TNFRSF11A: variants seen among roughly 807,000 people sequenced by gnomAD.
TNFRSF11A encodes tumor necrosis factor receptor superfamily member 11A.
A neutral mutation model predicts 55.7 loss-of-function variants in TNFRSF11A; 32 were observed. The observed-to-expected ratio is 0.57, with a 90% CI of 0.43 to 0.77. TNFRSF11A has a LOEUF of 0.77. TNFRSF11A is among the 30% of genes least tolerant of loss of function. TNFRSF11A has a pLI of 0.00. For missense variants in TNFRSF11A, 753 were observed against 809.8 expected (o/e 0.93, Z 0.85); for synonymous variants, 311 against 331.0 (o/e 0.94, Z 0.65).
At chr18:62,354,571 G>A in intron 4 of TNFRSF11A, 37 bp downstream of exon 4, 1 of 1,600,192 alleles carries the variant, frequency 6.2e-7, no homozygotes, top group East Asian at 2.2e-5. Flanking sequence ...GGCTCTTGCT[G>A]AGCCATGCAA....
Position 62,389,374 on chromosome 18 carries a change from G to T in TNFRSF11A, c.*4340G>T, listed in dbSNP as rs1911908730. Reference sequence around the variant, plus strand: ...CGGTGCCAGCAGTGAGCACAGGCGGGGTCTAGGTGGGATCACTGAAGCCAA... The same window carrying T: ...CGGTGCCAGCAGTGAGCACAGGCGGTGTCTAGGTGGGATCACTGAAGCCAA... On this transcript the variant is annotated 3_prime_UTR_variant, in exon 10 of 10. Transcript: ENST00000586569. 1 of 152,348 alleles carries T rather than the reference G, an allele frequency of 6.6e-6. No individual in the cohort carries two copies. The highest frequency in any genetic ancestry group is 2.1e-4 in the South Asian group (1 of 4,834). The allele number at this position is 152,348 out of a possible 1,614,324, so 9.4% of individuals were successfully genotyped here. A position where few individuals can be genotyped will look rare whatever the true frequency, so the allele number is the denominator to read the frequency against.
In TNFRSF11A at chr18:62,369,302, G is replaced by T; in HGVS notation, c.1385G>T (p.Gly462Val). Residue 462 changes from glycine (G) to valine (V), a missense_variant, in exon 9 of 10, where the codon GGT becomes GTT. By Grantham distance (109) the Gly-to-Val change is moderately radical. Coordinates refer to ENST00000586569, the MANE Select transcript of TNFRSF11A (RefSeq NM_003839.4). Reference protein sequence around the residue: ...PPGEDCEPLVGSPKRGPLPQC... With the variant: ...PPGEDCEPLVVSPKRGPLPQC... ...GGGGAGGACTGTGAACCCCTCGTGG[G>T]TTCCCCAAAACGTGGACCCTTGCCC... 1 of 1,611,254 alleles carries T rather than the reference G, an allele frequency of 6.2e-7. No homozygotes were observed. The highest frequency in any genetic ancestry group is 8.5e-7 in the Non-Finnish European group (1 of 1,178,706).
intron 1 of TNFRSF11A, among the ~76,000 whole-genome samples, chr18:62,344,716 T>TG (rs2046357269): frequency 6.6e-6 from 1 of 152,234 alleles, no homozygotes; most frequent in Non-Finnish European, 1.5e-5. Context: ...TTCAGGCTCT[T>TG]GCCAGCTGCT....
chr18:62,348,342 G>A, intron 2 of TNFRSF11A, 93 bp downstream of exon 2: 3 of 1,127,724 alleles, frequency 2.7e-6, no homozygotes, highest in Non-Finnish European at 2.7e-6. Context: ...AAAAGAAATT[G>A]GATAGACGCG....
At chr18:62,378,732 C>T (rs139987387) in intron 9 of TNFRSF11A, among the ~76,000 whole-genome samples, 58 of 152,332 alleles carry the variant, frequency 3.8e-4, no homozygotes, top group African/African-American at 9.6e-4. Flanking sequence ...GCTTGCTCTA[C>T]GCAGTTGCAC....
rs551576399 is a variant in TNFRSF11A, at chr18:62,390,046, G to T, written c.*5012G>T. On this transcript the variant is annotated 3_prime_UTR_variant, in exon 10 of 10. Transcript: ENST00000586569. ...AAGCACTCACTGGCAGTTCCTAGAA[G>T]ATTCCAGTAGTAGAGATCTGACTGT... The T allele has an allele frequency of 3.3e-5, 5 of 152,368 alleles. No individual in the cohort carries two copies. The East Asian group carries it at 9.6e-4, about 29-fold the overall frequency. 9.4% of individuals were successfully genotyped at this position (152,368 alleles called of 1,614,324 possible).
chr18:62,332,103 G>A (rs2046163836), intron 1 of TNFRSF11A, among the ~76,000 whole-genome samples: 1 of 152,212 alleles, frequency 6.6e-6, no homozygotes, highest in Non-Finnish European at 1.5e-5. Flanking sequence ...GAAAAACTCT[G>A]TTTAGCTCTT....
Position 62,385,123 on chromosome 18 carries a change from G to GA in TNFRSF11A, c.*90dup. ...TCTGCCCCAGCCCCGGCCACCCAGG[G>GA]ATCGATCGGTACAGTCGAGGAAGAC... On this transcript the variant is annotated 3_prime_UTR_variant, in exon 10 of 10. Transcript: ENST00000586569. The GA allele has an allele frequency of 7.4e-7, 1 of 1,343,788 alleles. No homozygotes were observed. Among genetic ancestry groups the GA allele is most frequent in the Non-Finnish European group, 9.6e-7 (1 of 1,045,836 alleles). 83.2% of individuals were successfully genotyped at this position (1,343,788 alleles called of 1,614,324 possible). A position where few individuals can be genotyped will look rare whatever the true frequency, so the allele number is the denominator to read the frequency against.
intron 1 of TNFRSF11A, among the ~76,000 whole-genome samples, chr18:62,341,732 A>ACATCATGT (rs1292526198): frequency 6.6e-6 from 1 of 151,870 alleles, no homozygotes; most frequent in Non-Finnish European, 1.5e-5. Flanking sequence ...TGCCAGTGCC[A>ACATCATGT]CATCATGTAT....
chr18:62,330,425 C>T (rs765117908), intron 1 of TNFRSF11A, among the ~76,000 whole-genome samples: 2 of 152,072 alleles, frequency 1.3e-5, no homozygotes, highest in African/African-American at 2.4e-5. Context: ...AGCAGGGACT[C>T]GCATCAGAGT....
At chr18:62,380,363 TGAA>T (rs1911186135) in intron 9 of TNFRSF11A, among the ~76,000 whole-genome samples, 1 of 152,222 alleles carries the variant, frequency 6.6e-6, no homozygotes. Flanking sequence ...AAGAAACACT[TGAA>T]GAATAAACTT....
intron 7 of TNFRSF11A, among the ~76,000 whole-genome samples, chr18:62,365,427 C>T (rs1051293282): frequency 6.6e-6 from 1 of 152,144 alleles, no homozygotes; most frequent in Admixed American, 6.5e-5. Context: ...CTTTTTTGAA[C>T]ATATTCTTCT....
chr18:62,334,339 G>A (rs2046199119), intron 1 of TNFRSF11A, among the ~76,000 whole-genome samples: 1 of 152,120 alleles, frequency 6.6e-6, no homozygotes, highest in South Asian at 2.1e-4. Context: ...AGGCAGCACT[G>A]GCTCGTCTAT....
Position 62,369,203 on chromosome 18 carries a change from G to T in TNFRSF11A, c.1286G>T (p.Gly429Val), listed in dbSNP as rs1223193889. 1 of 1,613,930 alleles carries T rather than the reference G, an allele frequency of 6.2e-7. No homozygotes were observed. The highest frequency in any genetic ancestry group is 8.5e-7 in the Non-Finnish European group (1 of 1,180,054). ...ENYLQKEVDS[G>V]HCPHWAASPS... ...TACTTGCAAAAAGAGGTGGACAGTGGCCATTGCCCGCACTGGGCAGCCAGC... is the reference window on the plus strand; with the variant it reads ...TACTTGCAAAAAGAGGTGGACAGTGTCCATTGCCCGCACTGGGCAGCCAGC... Residue 429 changes from glycine to valine, a missense_variant, in exon 9 of 10, where the codon GGC becomes GTC. Physicochemically the swap from Gly to Val is moderately radical, Grantham distance 109 (BLOSUM62 -3). Transcript: ENST00000586569.
intron 1 of TNFRSF11A, among the ~76,000 whole-genome samples, chr18:62,346,237 T>A (rs1405214411): frequency 6.6e-6 from 1 of 152,208 alleles, no homozygotes; most frequent in Non-Finnish European, 1.5e-5. Context: ...CCTGTTTGCC[T>A]TGTCATCAGC....
intron 1 of TNFRSF11A, among the ~76,000 whole-genome samples, chr18:62,330,510 C>G (rs889197266): frequency 6.6e-6 from 1 of 152,132 alleles, no homozygotes; most frequent in Non-Finnish European, 1.5e-5. Context: ...AAGGCAAAAG[C>G]CAGCACTCAA....
intron 5 of TNFRSF11A, 150 bp downstream of exon 5, chr18:62,358,491 C>A: frequency 1.3e-6 from 1 of 767,242 alleles, no homozygotes; most frequent in Non-Finnish European, 2.2e-6. Context: ...GTCAATTCAG[C>A]CTGGGGAAAA....
chr18:62,353,043 G>A (rs1456703063), intron 3 of TNFRSF11A, among the ~76,000 whole-genome samples: 1 of 152,146 alleles, frequency 6.6e-6, no homozygotes, highest in African/African-American at 2.4e-5. Context: ...TCATGTTGGG[G>A]GGTATGGGGT....
At chr18:62,333,274 C>T (rs987124801) in intron 1 of TNFRSF11A, among the ~76,000 whole-genome samples, 1 of 152,124 alleles carries the variant, frequency 6.6e-6, no homozygotes, top group East Asian at 1.9e-4. Flanking sequence ...TCAGTCTCCC[C>T]CGGGAACTCG....
Sources: allele counts gnomAD v4.1 joint callset (sites outside exome capture counted in the v4.1 genomes callset), GRCh38; gene constraint gnomAD v4.1.1; transcripts MANE v1.5; gene names NCBI Gene and HGNC (gene_info 2026-07-23, HGNC 2026-07-21).